The following PTGER3 variants were observed in gnomAD, a reference collection of about 807,000 sequenced individuals.
The protein encoded by PTGER3 is prostaglandin E2 receptor EP3 subtype.
A neutral mutation model predicts 34.7 loss-of-function variants in PTGER3; 22 were observed. The ratio of observed to expected loss-of-function variants is 0.63; its 90% CI spans 0.45 to 0.91. PTGER3 has a LOEUF of 0.91. Among genes scored for constraint, PTGER3 ranks in the 40% least tolerant of loss-of-function variants. The pLI, the probability that PTGER3 is intolerant of heterozygous loss-of-function variation, is 0.00. For synonymous variants in PTGER3, 241 were observed against 230.1 expected, an observed-to-expected ratio of 1.05 and a Z score of -0.43; for missense variants, 468 against 519.4, an observed-to-expected ratio of 0.90 and a Z score of 0.96.
chr1:70,954,656 T>G (rs1049226210), intron 2 of PTGER3, among the ~76,000 whole-genome samples: 1 of 152,162 alleles, frequency 6.6e-6, no homozygotes, highest in Non-Finnish European at 1.5e-5. Context: ...ATTTCAAGTT[T>G]AATATCCTTT....
At chr1:70,910,198 C>G (rs1022956371) in intron 4 of PTGER3, among the ~76,000 whole-genome samples, 2 of 152,102 alleles carry the variant, frequency 1.3e-5, no homozygotes, top group African/African-American at 4.8e-5. Flanking sequence ...CAGTTTTACT[C>G]CAAAAGAAAA....
intron 4 of PTGER3, among the ~76,000 whole-genome samples, chr1:70,896,591 C>A (rs1161387174): frequency 6.6e-6 from 1 of 152,112 alleles, no homozygotes; most frequent in East Asian, 1.9e-4. Context: ...GTTACAGCAG[C>A]CCTAGGAAGC....
At chr1:71,039,465 G>A (rs1314248854) in intron 1 of PTGER3, among the ~76,000 whole-genome samples, 1 of 151,666 alleles carries the variant, frequency 6.6e-6, no homozygotes, top group African/African-American at 2.4e-5. Flanking sequence ...ACTGGCTAAT[G>A]CAGTGAAACC....
At chr1:70,951,938 G>A (rs1650796485), downstream of PTGER3, among the ~76,000 whole-genome samples, 1 of 152,136 alleles carries the variant, frequency 6.6e-6, no homozygotes, top group Admixed American at 6.6e-5. Context: ...AAGAAAAAAT[G>A]CTTCGAGAAA....
intron 2 of PTGER3, among the ~76,000 whole-genome samples, chr1:71,004,106 T>A (rs993483325): frequency 2.0e-5 from 3 of 152,216 alleles, no homozygotes; most frequent in African/African-American, 7.2e-5. Context: ...AAAATCAGAT[T>A]CAAACAACCT....
intron 1 of PTGER3, among the ~76,000 whole-genome samples, chr1:71,021,103 A>G (rs897478520): frequency 2.0e-5 from 3 of 152,304 alleles, no homozygotes; most frequent in East Asian, 3.9e-4. Flanking sequence ...AAAGAAATAA[A>G]TGAATTGTGT....
intron 2 of PTGER3, 120 bp from the exon 3 acceptor site, chr1:70,974,508 A>G (rs1181408058): frequency 1.6e-6 from 1 of 627,224 alleles, no homozygotes; most frequent in South Asian, 1.9e-5. Context: ...TTTAGATATT[A>G]CCTTCCTAGG....
intron 4 of PTGER3, among the ~76,000 whole-genome samples, chr1:70,923,883 C>A (rs141839376): frequency 3.3e-5 from 5 of 152,140 alleles, no homozygotes; most frequent in African/African-American, 1.2e-4. Flanking sequence ...TCTTTTGCAA[C>A]GGGACACAAT....
downstream of PTGER3, among the ~76,000 whole-genome samples, chr1:70,948,216 A>T (rs187155861): frequency 6.6e-6 from 1 of 152,004 alleles, no homozygotes; most frequent in African/African-American, 2.4e-5. Context: ...TGCTTGAATT[A>T]TACATGGTAG....
intron 4 of PTGER3, among the ~76,000 whole-genome samples, chr1:70,875,070 C>G (rs1646246221): frequency 6.6e-6 from 1 of 152,202 alleles, no homozygotes; most frequent in Non-Finnish European, 1.5e-5. Context: ...CTCCCTTCCC[C>G]TAGTGTTTTA....
At chr1:71,015,375 G>A (rs1557742682) in intron 1 of PTGER3, among the ~76,000 whole-genome samples, 1 of 152,214 alleles carries the variant, frequency 6.6e-6, no homozygotes, top group African/African-American at 2.4e-5. Flanking sequence ...CCAGCTCCAA[G>A]GTTACTGAAC....
intron 2 of PTGER3, among the ~76,000 whole-genome samples, chr1:70,955,309 G>A (rs1651206693): frequency 6.6e-6 from 1 of 152,152 alleles, no homozygotes; most frequent in Non-Finnish European, 1.5e-5. Context: ...TGACATAGTA[G>A]ATATAAAGCA....
chr1:70,903,210 C>A (rs1246834478), intron 4 of PTGER3, among the ~76,000 whole-genome samples: 1 of 152,164 alleles, frequency 6.6e-6, no homozygotes, highest in Non-Finnish European at 1.5e-5. Context: ...GGAATGAATT[C>A]TCTTCTAGAG....
chr1:70,901,987 C>T (rs180721096), intron 4 of PTGER3, among the ~76,000 whole-genome samples: 1 of 152,180 alleles, frequency 6.6e-6, no homozygotes, highest in African/African-American at 2.4e-5. Context: ...CTTCGCCTAC[C>T]TCAACCAAGA....
At chr1:70,985,262 G>A (rs181037182) in intron 2 of PTGER3, among the ~76,000 whole-genome samples, 17 of 152,260 alleles carry the variant, frequency 1.1e-4, no homozygotes, top group Admixed American at 9.8e-4. Context: ...AGGTGTCACC[G>A]CATGCGTGTG....
At chr1:71,040,378 G>A (rs1459528223) in intron 1 of PTGER3, among the ~76,000 whole-genome samples, 1 of 152,046 alleles carries the variant, frequency 6.6e-6, no homozygotes, top group Non-Finnish European at 1.5e-5. Flanking sequence ...GAGGCGAGAG[G>A]ATCACAGGAG....
At chr1:70,950,754 C>T (rs1650684080), downstream of PTGER3, 1 of 151,982 alleles carries the variant, frequency 6.6e-6, no homozygotes, top group Admixed American at 6.6e-5. Flanking sequence ...TGCTCTGTCG[C>T]CCAGGACGAT....
chr1:71,001,726 A>C (rs1385147619), intron 2 of PTGER3, among the ~76,000 whole-genome samples: 1 of 152,128 alleles, frequency 6.6e-6, no homozygotes, highest in African/African-American at 2.4e-5. Flanking sequence ...TATTTTACAG[A>C]TGAGGTACTA....
intron 4 of PTGER3, among the ~76,000 whole-genome samples, chr1:70,929,325 C>T (rs1648470907): frequency 6.6e-6 from 1 of 152,132 alleles, no homozygotes; most frequent in Non-Finnish European, 1.5e-5. Flanking sequence ...CTGGGCTAAT[C>T]TTAAAATCTT....
Sources: allele counts gnomAD v4.1 joint callset (sites outside exome capture counted in the v4.1 genomes callset), GRCh38; gene constraint gnomAD v4.1.1; transcripts MANE v1.5; gene names NCBI Gene and HGNC (gene_info 2026-07-23, HGNC 2026-07-21).